DGKI: variants seen among roughly 807,000 people sequenced by gnomAD.
The protein encoded by DGKI is diacylglycerol kinase iota.
DGKI carries 55 observed loss-of-function variants against 147.5 expected under a neutral mutation model. The ratio of observed to expected loss-of-function variants is 0.37; its 90% CI spans 0.30 to 0.47. The LOEUF (loss-of-function observed/expected upper bound fraction) is 0.47, where lower values mean the gene tolerates loss of function less well. Among genes scored for constraint, DGKI ranks in the 20% least tolerant of loss-of-function variants. The probability of loss-of-function intolerance (pLI) is 1.00; values close to 1 mark genes in which losing one functional copy is unlikely to be tolerated. For missense variants in DGKI, 1,007 were observed against 1,323.8 expected, an observed-to-expected ratio of 0.76 and a Z score of 3.71; for synonymous variants, 469 against 477.1, an observed-to-expected ratio of 0.98 and a Z score of 0.22.
At chr7:137,712,492 A>T (rs1421065494) in intron 1 of DGKI, among the ~76,000 whole-genome samples, 1 of 152,226 alleles carries the variant, frequency 6.6e-6, no homozygotes, top group Non-Finnish European at 1.5e-5. Flanking sequence ...TATTTTAAGC[A>T]TTATAAAATT....
intron 1 of DGKI, among the ~76,000 whole-genome samples, chr7:137,796,400 T>C (rs1797031889): frequency 6.6e-6 from 1 of 151,938 alleles, no homozygotes; most frequent in Non-Finnish European, 1.5e-5. Context: ...CTCAGGAGGC[T>C]GAGGCAGGAG....
At chr7:137,459,200 C>T (rs1814321840) in intron 27 of DGKI, among the ~76,000 whole-genome samples, 1 of 152,080 alleles carries the variant, frequency 6.6e-6, no homozygotes, top group Non-Finnish European at 1.5e-5. Flanking sequence ...GCCTCTCACT[C>T]TGCCTGAGAA....
chr7:137,485,392 G>A lies in DGKI; in HGVS notation c.2355C>T (p.Ser785=), dbSNP rs1815518099. Residue 785 remains serine, a synonymous_variant, in exon 23 of 33, where the codon TCC becomes TCT. Transcript: ENST00000614521. ...TTGTTACCTGGTAATGAACTCTCTG[G>A]GAGCCAGAAGAAACTGACTGTAGGT... ...QEDLQSVSSG[S]QRVHYQDHET... 2 of 1,609,476 alleles carry A rather than the reference G, an allele frequency of 1.2e-6. No individual in the cohort carries two copies. Among genetic ancestry groups the A allele is most frequent in the Non-Finnish European group, 1.7e-6 (2 of 1,177,680 alleles).
At chr7:137,662,887 T>C (rs1200278929) in intron 3 of DGKI, among the ~76,000 whole-genome samples, 1 of 152,182 alleles carries the variant, frequency 6.6e-6, no homozygotes, top group Non-Finnish European at 1.5e-5. Context: ...TAAGGGATGG[T>C]GCCAAAAGTA....
chr7:137,795,575 C>G (rs1796996387), intron 1 of DGKI, among the ~76,000 whole-genome samples: 1 of 152,144 alleles, frequency 6.6e-6, no homozygotes, highest in African/African-American at 2.4e-5. Context: ...GATCGAAAAA[C>G]TTAAAAATCA....
chr7:137,759,330 C>T (rs908899703), intron 1 of DGKI, among the ~76,000 whole-genome samples: 5 of 150,438 alleles, frequency 3.3e-5, no homozygotes, highest in East Asian at 1.9e-4. Flanking sequence ...GGCTGCTCTA[C>T]ATTCTTTTTT....
chr7:137,494,090 T>C (rs1815872993), intron 21 of DGKI, among the ~76,000 whole-genome samples: 1 of 151,696 alleles, frequency 6.6e-6, no homozygotes, highest in Non-Finnish European at 1.5e-5. Context: ...TGAAGACCAG[T>C]CCTCCAGAAT....
At chr7:137,595,524 A>AT (rs1819757110) in intron 12 of DGKI, among the ~76,000 whole-genome samples, 1 of 151,712 alleles carries the variant, frequency 6.6e-6, no homozygotes, top group Non-Finnish European at 1.5e-5. Flanking sequence ...TTTTTCATTT[A>AT]TTTTCCTTTT....
intron 20 of DGKI, among the ~76,000 whole-genome samples, chr7:137,534,355 T>C (rs894337205): frequency 2.6e-5 from 4 of 152,130 alleles, no homozygotes; most frequent in African/African-American, 9.7e-5. Flanking sequence ...TGCTTTGTTT[T>C]CTGGGTGGGG....
chr7:137,775,526 T>C (rs1796339015), intron 1 of DGKI, among the ~76,000 whole-genome samples: 1 of 152,246 alleles, frequency 6.6e-6, no homozygotes, highest in South Asian at 2.1e-4. Flanking sequence ...TCTGGGTTTA[T>C]ATTTTCAGGT....
intron 1 of DGKI, among the ~76,000 whole-genome samples, chr7:137,796,126 A>G (rs535760431): frequency 1.3e-5 from 2 of 152,358 alleles, no homozygotes; most frequent in South Asian, 2.1e-4. Context: ...AGCATGGTCC[A>G]TACACATGAA....
intron 21 of DGKI, among the ~76,000 whole-genome samples, chr7:137,517,978 G>C (rs1023723673): frequency 1.3e-5 from 2 of 152,120 alleles, no homozygotes; most frequent in African/African-American, 4.8e-5. Flanking sequence ...AAGTAAGAAA[G>C]TGAGTTGGAG....
intron 8 of DGKI, among the ~76,000 whole-genome samples, chr7:137,613,070 T>C (rs1198505519): frequency 6.6e-6 from 1 of 152,138 alleles, no homozygotes; most frequent in Non-Finnish European, 1.5e-5. Context: ...TATTAAGAAA[T>C]AGTTACGGGT....
chr7:137,620,844 G>A (rs834449), intron 7 of DGKI, among the ~76,000 whole-genome samples: 3,527 of 152,214 alleles, frequency 0.023, 151 homozygotes, highest in African/African-American at 0.081. Context: ...TCAACATTAT[G>A]CAATAATTAT....
Position 137,412,164 on chromosome 7 carries a change from T to A in DGKI, c.2799+6A>T. 5 of 1,613,418 alleles carry A rather than the reference T, an allele frequency of 3.1e-6. No individual in the cohort carries two copies. The highest frequency in any genetic ancestry group is 1.1e-5 in the South Asian group (1 of 91,070). On this transcript the variant is annotated splice_donor_region_variant and intron_variant, in intron 29 of 32. Coordinates refer to ENST00000614521, the MANE Select transcript of DGKI (RefSeq NM_001321708.2). ...TCGCCAAAGATTTGGTAGGAAGATATCTTACCTTCATAAGATCACCAGCTA... is the reference window on the plus strand; with the variant it reads ...TCGCCAAAGATTTGGTAGGAAGATAACTTACCTTCATAAGATCACCAGCTA...
At chr7:137,610,810 T>C (rs768049695) in intron 8 of DGKI, among the ~76,000 whole-genome samples, 1 of 152,194 alleles carries the variant, frequency 6.6e-6, no homozygotes, top group Non-Finnish European at 1.5e-5. Context: ...CTATTTAGCT[T>C]TTATTTTACT....
Position 137,388,952 on chromosome 7 carries a change from G to A in DGKI, c.*2268C>T, listed in dbSNP as rs1811264288. On this transcript the variant is annotated 3_prime_UTR_variant, in exon 33 of 33. Transcript: ENST00000614521. ...CACCTGTACCCTAAATTTTCTCTGG[G>A]CTACTTGGAAGTATTTAGAGAAATG... 6.6e-6 allele frequency: 1 copy of A among 152,040 alleles called. No homozygotes were observed. Among genetic ancestry groups the A allele is most frequent in the South Asian group, 2.1e-4 (1 of 4,820 alleles). 9.4% of individuals were successfully genotyped at this position (152,040 alleles called of 1,614,324 possible).
intron 4 of DGKI, 90 bp downstream of exon 4, chr7:137,656,376 T>C (rs1357238544): frequency 8.0e-6 from 11 of 1,383,340 alleles, no homozygotes; most frequent in Non-Finnish European, 1.0e-5. Flanking sequence ...GGCATTGTTT[T>C]CAAAAAGTTG....
At position 137,382,195 on chromosome 7, in the gene DGKI, A is replaced by G. The variant is rs981975414; in HGVS notation, c.*9025T>C. On this transcript the variant is annotated 3_prime_UTR_variant, in exon 33 of 33. Transcript: ENST00000614521. Reference sequence around the variant, plus strand: ...TATCCTATCTGTATGTGTGTGTTTTATAAGTGAAGAGTAAAGACAATTTGT... The same window carrying G: ...TATCCTATCTGTATGTGTGTGTTTTGTAAGTGAAGAGTAAAGACAATTTGT... 6.6e-6 allele frequency: 1 copy of G among 152,144 alleles called. No homozygotes were observed. The highest frequency in any genetic ancestry group is 2.4e-5 in the African/African-American group (1 of 41,444). The allele number at this position is 152,144 out of a possible 1,614,324, so 9.4% of individuals were successfully genotyped here.
Sources: gnomAD v4.1 joint callset for allele counts (sites outside exome capture counted in the v4.1 genomes callset) on GRCh38, gnomAD v4.1.1 for gene constraint, MANE v1.5 for transcripts, NCBI Gene and HGNC (gene_info 2026-07-23, HGNC 2026-07-21) for gene names.